The following MTMR12 variants were observed in gnomAD, a reference collection of about 807,000 sequenced individuals.
MTMR12 encodes myotubularin related protein 12, also known as myotubularin-related protein 12.
In MTMR12, 33 loss-of-function variants were observed where a neutral mutation model predicts 96.7. That is an observed-to-expected ratio of 0.34 (90% CI 0.26 to 0.46). The LOEUF is 0.46. Ranked by LOEUF, MTMR12 falls within the 20% of genes least tolerant of loss-of-function variation. The pLI, the probability that MTMR12 is intolerant of heterozygous loss-of-function variation, is 1.00. For synonymous variants in MTMR12, 298 were observed against 327.2 expected, an observed-to-expected ratio of 0.91 and a Z score of 0.96; for missense variants, 721 against 896.1, an observed-to-expected ratio of 0.80 and a Z score of 2.49.
At chr5:32,231,322 T>A (rs914079419) in intron 15 of MTMR12, among the ~76,000 whole-genome samples, 13 of 142,160 alleles carry the variant, frequency 9.1e-5, no homozygotes, top group Admixed American at 4.5e-4. Context: ...GAGGCTGCAG[T>A]GAGCCGAGAT....
At chr5:32,303,208 T>C (rs1009352360) in intron 1 of MTMR12, among the ~76,000 whole-genome samples, 6 of 152,236 alleles carry the variant, frequency 3.9e-5, no homozygotes, top group Non-Finnish European at 7.3e-5. Flanking sequence ...TTCATACATG[T>C]CTATTATATA....
At chr5:32,254,864 CAA>C (rs1197953316) in intron 8 of MTMR12, among the ~76,000 whole-genome samples, 7 of 152,152 alleles carry the variant, frequency 4.6e-5, no homozygotes, top group African/African-American at 1.7e-4. Flanking sequence ...AAAATAAAAA[CAA>C]AACAAAACAA....
At chr5:32,243,736 ATTT>A (rs1748566573) in intron 10 of MTMR12, 137 bp from the exon 11 acceptor site, 1 of 589,296 alleles carries the variant, frequency 1.7e-6, no homozygotes, top group African/African-American at 1.9e-5. Flanking sequence ...ACAGGACTCT[ATTT>A]TGAGTAAGGG....
intron 1 of MTMR12, among the ~76,000 whole-genome samples, chr5:32,302,721 A>AT (rs1206631077): frequency 2.7e-5 from 4 of 149,734 alleles, no homozygotes; most frequent in African/African-American, 1.0e-4. Flanking sequence ...AAGACTCCGT[A>AT]TAAAAAAAAA....
At chr5:32,286,552 G>A (rs1750547525) in intron 1 of MTMR12, among the ~76,000 whole-genome samples, 1 of 151,380 alleles carries the variant, frequency 6.6e-6, no homozygotes. Flanking sequence ...TTGCCCTCAC[G>A]AAATTCAGAT....
intron 3 of MTMR12, among the ~76,000 whole-genome samples, 198 bp downstream of exon 3, chr5:32,273,782 A>G (rs13155069): frequency 0.063 from 9,586 of 152,124 alleles, 428 homozygotes; most frequent in Non-Finnish European, 0.1. Context: ...TAGCTGGGGG[A>G]AAAAAGACAA....
intron 4 of MTMR12, among the ~76,000 whole-genome samples, 178 bp from the exon 5 acceptor site, chr5:32,271,125 G>C (rs1229414400): frequency 6.6e-6 from 1 of 152,228 alleles, no homozygotes; most frequent in African/African-American, 2.4e-5. Flanking sequence ...CAGGGGCCCT[G>C]GCTCTCTGAG....
At chr5:32,230,372 A>G in intron 15 of MTMR12, 25 bp from the exon 16 acceptor site, 1 of 1,566,474 alleles carries the variant, frequency 6.4e-7, no homozygotes, top group Non-Finnish European at 8.7e-7. Flanking sequence ...ACAAATAAAA[A>G]TCACTGGTTA....
At chr5:32,269,280 G>A (rs893321104) in intron 5 of MTMR12, among the ~76,000 whole-genome samples, 7 of 151,894 alleles carry the variant, frequency 4.6e-5, no homozygotes, top group African/African-American at 1.7e-4. Flanking sequence ...ACCTGCCTCA[G>A]CCTCCCAAAG....
chr5:32,269,816 T>C (rs991240334), intron 5 of MTMR12, among the ~76,000 whole-genome samples: 3 of 152,176 alleles, frequency 2.0e-5, no homozygotes, highest in Non-Finnish European at 2.9e-5. Flanking sequence ...GATCTTCTTA[T>C]GGAAGATAAG....
In MTMR12 at chr5:32,232,521, C is replaced by T. The variant is rs566441679; in HGVS notation, c.1674+1252G>A. Among the ~76,000 whole-genome samples, 5 of 152,284 alleles carry T rather than the reference C, an allele frequency of 3.3e-5. No homozygotes were observed. The South Asian group carries it at 1.0e-3, about 32-fold the overall frequency. ...TGGAAGGGGGAGCCTTAGGTTCCTCCCGTAACACAACAGACGTTGTCCTCG... is the reference window on the plus strand; with the variant it reads ...TGGAAGGGGGAGCCTTAGGTTCCTCTCGTAACACAACAGACGTTGTCCTCG... On this transcript the variant is annotated intron_variant, in intron 15 of 15. Coordinates refer to ENST00000382142, the MANE Select transcript of MTMR12 (RefSeq NM_001040446.3).
At chr5:32,283,161 G>A (rs190428020) in intron 1 of MTMR12, among the ~76,000 whole-genome samples, 7 of 152,298 alleles carry the variant, frequency 4.6e-5, no homozygotes, top group Non-Finnish European at 1.0e-4. Context: ...TGTTGGGTGA[G>A]TGATTAAAGG....
intron 1 of MTMR12, among the ~76,000 whole-genome samples, chr5:32,294,311 T>C (rs1750844236): frequency 6.6e-6 from 1 of 152,016 alleles, no homozygotes; most frequent in Non-Finnish European, 1.5e-5. Flanking sequence ...TTTTTTCCTT[T>C]TTTTTTTTAA....
chr5:32,264,491 C>T (rs558732789), intron 6 of MTMR12, among the ~76,000 whole-genome samples: 169 of 150,612 alleles, frequency 1.1e-3, no homozygotes, highest in African/African-American at 4.1e-3. Flanking sequence ...GACGGAGTCT[C>T]GCTCTTTCGC....
chr5:32,262,977 G>A, intron 7 of MTMR12, 136 bp downstream of exon 7: 1 of 1,115,702 alleles, frequency 9.0e-7, no homozygotes, highest in Non-Finnish European at 1.3e-6. Context: ...AATGGGTATG[G>A]AGTTTCTTTT....
intron 10 of MTMR12, among the ~76,000 whole-genome samples, chr5:32,247,522 C>A (rs1332417625): frequency 6.6e-6 from 1 of 152,138 alleles, no homozygotes; most frequent in African/African-American, 2.4e-5. Flanking sequence ...AGGCATATTT[C>A]ATTTTCTACT....
Position 32,229,975 on chromosome 5 carries a change from G to C in MTMR12, c.2047C>G (p.His683Asp), listed in dbSNP as rs1747928622. ...TCAGCCTGGGGGGCCTGCTGGCTGT[G>C]GTGTCTCTCGTCGATCTTCTCTTGT... ...SLQEKIDERHHSQQAPQAEAP... is the reference protein window; with the variant it reads ...SLQEKIDERHDSQQAPQAEAP... Residue 683 changes from histidine to aspartate, a missense_variant, in exon 16 of 16, where the codon CAC becomes GAC. By Grantham distance (81) the His-to-Asp change is moderately conservative. Transcript: ENST00000382142. 6.2e-7 allele frequency: 1 copy of C among 1,612,288 alleles called. No individual in the cohort carries two copies. Among genetic ancestry groups the C allele is most frequent in the Non-Finnish European group, 8.5e-7 (1 of 1,178,706 alleles).
chr5:32,269,033 C>CT (rs749738249), intron 5 of MTMR12, among the ~76,000 whole-genome samples: 89 of 147,098 alleles, frequency 6.1e-4, no homozygotes, highest in South Asian at 2.8e-3. Flanking sequence ...TTATTTTTAA[C>CT]TTTTTTTTTT....
Position 32,312,637 on chromosome 5 carries a change from C to A in MTMR12, c.81+121G>T, listed in dbSNP as rs914430836. 1.2e-5 allele frequency: 11 copies of A among 930,404 alleles called. No homozygotes were observed. Among genetic ancestry groups the A allele is most frequent in the Admixed American group, 4.7e-5 (1 of 21,502 alleles). 57.6% of individuals were successfully genotyped at this position (930,404 alleles called of 1,614,324 possible). On this transcript the variant is annotated intron_variant, in intron 1 of 15. Coordinates refer to ENST00000382142, the MANE Select transcript of MTMR12 (RefSeq NM_001040446.3). The surrounding 1 kb of genome is among the most constrained non-coding windows in gnomAD (Gnocchi z 5.0). ...GCGGCCTCAGCCCGCCTGGCTGCCC[C>A]GTCGCCCGGCACAAGGGCAGGAAGC... is the stretch of plus-strand genomic sequence containing the variant.
Sources: gnomAD v4.1 joint callset for allele counts (sites outside exome capture counted in the v4.1 genomes callset) on GRCh38, gnomAD v4.1.1 for gene constraint, Gnocchi (gnomAD v3.1) non-coding constraint, MANE v1.5 for transcripts, NCBI Gene and HGNC (gene_info 2026-07-23, HGNC 2026-07-21) for gene names.